CR1: variants seen among roughly 807,000 people sequenced by gnomAD.
The protein encoded by CR1 is complement receptor type 1.
A neutral mutation model predicts 187.3 loss-of-function variants in CR1; 116 were observed. The observed-to-expected ratio is 0.62, with a 90% CI of 0.53 to 0.72. The LOEUF (loss-of-function observed/expected upper bound fraction) is 0.72. Among genes scored for constraint, CR1 ranks in the 30% least tolerant of loss-of-function variants. The probability of loss-of-function intolerance (pLI) is 0.00; values close to 1 mark genes in which losing one functional copy is unlikely to be tolerated. For missense variants in CR1, 1,731 were observed against 2,110.7 expected, an observed-to-expected ratio of 0.82 and a Z score of 3.52; for synonymous variants, 576 against 747.1, an observed-to-expected ratio of 0.77 and a Z score of 3.73.
In CR1 at chr1:207,496,182, T is replaced by G. The variant is rs368742318; in HGVS notation, c.-86T>G. Reference sequence around the variant, plus strand: ...ACACTCTGGGCGCGGAGCACAATGATTGGTCACTCCTATTTTCGCTGAGCT... The same window carrying G: ...ACACTCTGGGCGCGGAGCACAATGAGTGGTCACTCCTATTTTCGCTGAGCT... On this transcript the variant is annotated 5_prime_UTR_variant, in exon 1 of 47. Coordinates refer to ENST00000367049, the MANE Select transcript of CR1 (RefSeq NM_000651.6). 1 of 1,607,320 alleles carries G rather than the reference T, an allele frequency of 6.2e-7. No individual in the cohort carries two copies.
chr1:207,601,233 A>G (rs1401311063), intron 35 of CR1, among the ~76,000 whole-genome samples: 2 of 152,142 alleles, frequency 1.3e-5, no homozygotes, highest in African/African-American at 4.8e-5. Context: ...GAAAGAAGAC[A>G]TAAGCCTGTT....
In CR1 at chr1:207,510,561, C is replaced by T. The variant is rs182812682; in HGVS notation, c.402-1008C>T. Among the ~76,000 whole-genome samples the T allele has an allele frequency of 6.6e-5, 10 of 152,224 alleles. No homozygotes were observed. The East Asian group carries it at 7.7e-4, about 12-fold the overall frequency. On this transcript the variant is annotated intron_variant, in intron 3 of 46. Coordinates refer to ENST00000367049, the MANE Select transcript of CR1 (RefSeq NM_000651.6). ...CCATCTATCACAACAGAGAGTCTAA[C>T]GTGAAGTAAAATAAATGTCATAAAT...
At chr1:207,578,256 G>A (rs566014769) in intron 29 of CR1, 53 bp downstream of exon 29, 1 of 1,611,704 alleles carries the variant, frequency 6.2e-7, no homozygotes, top group African/African-American at 1.3e-5. Context: ...TGTTGCTGTT[G>A]GATCAGGAGA....
intron 46 of CR1, among the ~76,000 whole-genome samples, chr1:207,637,611 T>A (rs1024287293): frequency 5.2e-4 from 79 of 152,364 alleles, no homozygotes; most frequent in African/African-American, 1.7e-3. Flanking sequence ...GCATTAAACA[T>A]CCTGGTGCTC....
intron 45 of CR1, 103 bp downstream of exon 45, chr1:207,623,171 A>G (rs1461031718): frequency 1.3e-6 from 1 of 779,476 alleles, no homozygotes; most frequent in African/African-American, 1.8e-5. Context: ...ACATAAACAG[A>G]TGTGGTAATT....
At chr1:207,503,075 G>C (rs1447993095) in intron 1 of CR1, among the ~76,000 whole-genome samples, 1 of 152,166 alleles carries the variant, frequency 6.6e-6, no homozygotes, top group Admixed American at 6.5e-5. Context: ...ACTCTTAGAA[G>C]TCCCCTTACC....
intron 5 of CR1, among the ~76,000 whole-genome samples, chr1:207,525,573 G>A (rs1350595091): frequency 6.6e-6 from 1 of 151,948 alleles, no homozygotes; most frequent in African/African-American, 2.4e-5. Context: ...GCCACTTCTA[G>A]AAGTAGAACA....
At chr1:207,606,496 T>TG in intron 35 of CR1, 1 of 152,260 alleles carries the variant, frequency 6.6e-6, no homozygotes, top group Non-Finnish European at 1.5e-5. Flanking sequence ...TCTTAACTGT[T>TG]GCAGTTACTG....
Position 207,507,772 on chromosome 1 carries a change from G to A in CR1, c.401+959G>A, listed in dbSNP as rs1466895729. Among the ~76,000 whole-genome samples, 3 of 151,908 alleles carry A rather than the reference G, an allele frequency of 2.0e-5. No individual in the cohort carries two copies. In the East Asian group the frequency reaches 5.8e-4, roughly 29 times the overall value. On this transcript the variant is annotated intron_variant, in intron 3 of 46. Transcript: ENST00000367049. Reference sequence around the variant, plus strand: ...TGTTATCCAGCAGTTATCCTTCTTGGCATTTATCCAAAGGAATTGAAAACT... The same window carrying A: ...TGTTATCCAGCAGTTATCCTTCTTGACATTTATCCAAAGGAATTGAAAACT...
rs571308637 is a variant in CR1 at position 207,524,851 on chromosome 1, A to C, written c.886+842A>C. 7.2e-5 allele frequency among the ~76,000 whole-genome samples: 11 copies of C among 152,020 alleles called. No homozygotes were observed. The East Asian group carries it at 2.1e-3, about 29-fold the overall frequency. On this transcript the variant is annotated intron_variant, in intron 5 of 46. Coordinates refer to ENST00000367049, the MANE Select transcript of CR1 (RefSeq NM_000651.6). Reference sequence around the variant, plus strand: ...AAACTTACTCTAGATACTTTCAAGGAGGGAGGGATTTCATGCAGGTTGTAT... The same window carrying C: ...AAACTTACTCTAGATACTTTCAAGGCGGGAGGGATTTCATGCAGGTTGTAT...
chr1:207,497,122 T>C (rs1274074993), intron 1 of CR1, among the ~76,000 whole-genome samples: 1 of 152,244 alleles, frequency 6.6e-6, no homozygotes, highest in Non-Finnish European at 1.5e-5. Context: ...TGCCAGGCAC[T>C]TGCGGATTAG....
intron 4 of CR1, 95 bp from the exon 5 acceptor site, chr1:207,523,516 T>G: frequency 1.9e-6 from 3 of 1,556,718 alleles, no homozygotes; most frequent in South Asian, 2.3e-5. Flanking sequence ...AAGCAAATAA[T>G]GAATGTAAAA....
intron 35 of CR1, among the ~76,000 whole-genome samples, chr1:207,599,462 C>T (rs1306605205): frequency 6.6e-6 from 1 of 152,168 alleles, no homozygotes; most frequent in Non-Finnish European, 1.5e-5. Context: ...ACAATGAAAG[C>T]ATAGATATCT....
At chr1:207,587,688 C>T (rs926498029) in intron 34 of CR1, 123 bp downstream of exon 34, 2 of 868,054 alleles carry the variant, frequency 2.3e-6, no homozygotes, top group South Asian at 4.3e-5. Context: ...AGCTTGAACT[C>T]AGGAGTTCGC....
chr1:207,617,620 GAGAGAGAGAGAGA>G (rs1314759175), intron 41 of CR1, among the ~76,000 whole-genome samples: 34 of 15,298 alleles, frequency 2.2e-3, no homozygotes, highest in African/African-American at 0.01. Context: ...TATAGAGAGA[GAGAGAGAGAGAGA>G]GAGAGAGAGA....
intron 4 of CR1, 118 bp from the exon 5 acceptor site, chr1:207,523,493 T>G: frequency 6.6e-7 from 1 of 1,507,130 alleles, no homozygotes; most frequent in South Asian, 1.3e-5. Context: ...ACCTATGTGT[T>G]AGCAAAGATT....
chr1:207,639,132 C>G (rs1662905383), intron 46 of CR1, among the ~76,000 whole-genome samples: 1 of 152,244 alleles, frequency 6.6e-6, no homozygotes, highest in South Asian at 2.1e-4. Flanking sequence ...ATGACATTGA[C>G]TAGCCCAGTG....
chr1:207,614,476 T>A lies in CR1; in HGVS notation c.6648T>A (p.Val2216=). ...TGAAAGCCCTTTGGAATAGCAGTGT[T>A]CCAGTGTGTGAACGTGAGTAGAAAG... is the stretch of plus-strand genomic sequence containing the variant. ...AGMKALWNSS[V]PVCEQIFCPN... The change falls in exon 40 of 47, where the codon GTT becomes GTA. Residue 2216 remains valine (V), a synonymous_variant. Transcript: ENST00000367049. The A allele has an allele frequency of 6.2e-7, 1 of 1,610,978 alleles. No individual in the cohort carries two copies. Among genetic ancestry groups the A allele is most frequent in the Non-Finnish European group, 8.5e-7 (1 of 1,177,862 alleles).
chr1:207,496,743 G>A (rs1659100696), intron 1 of CR1, among the ~76,000 whole-genome samples: 1 of 152,218 alleles, frequency 6.6e-6, no homozygotes, highest in African/African-American at 2.4e-5. Context: ...CTAGTGAAAG[G>A]GAACTTGGGG....
Sources: gnomAD v4.1 joint callset for allele counts (sites outside exome capture counted in the v4.1 genomes callset) on GRCh38, gnomAD v4.1.1 for gene constraint, MANE v1.5 for transcripts, NCBI Gene and HGNC (gene_info 2026-07-23, HGNC 2026-07-21) for gene names.